SLC45A2: variants seen among roughly 807,000 people sequenced by gnomAD.
The protein encoded by SLC45A2 is membrane-associated transporter protein.
Under a neutral mutation model 45.5 loss-of-function variants are expected in SLC45A2, and 36 were observed. That is an observed-to-expected ratio of 0.79 (90% CI 0.61 to 1.04). The LOEUF (loss-of-function observed/expected upper bound fraction) is 1.04. SLC45A2 is among the 50% of genes least tolerant of loss of function. The probability of loss-of-function intolerance (pLI) is 0.00; values close to 1 mark genes in which losing one functional copy is unlikely to be tolerated. For synonymous variants in SLC45A2, 306 were observed against 269.3 expected, an observed-to-expected ratio of 1.14 and a Z score of -1.33; for missense variants, 719 against 671.0, an observed-to-expected ratio of 1.07 and a Z score of -0.79.
At chr5:33,974,799 G>C (rs1257993721) in intron 2 of SLC45A2, among the ~76,000 whole-genome samples, 2 of 152,202 alleles carry the variant, frequency 1.3e-5, no homozygotes, top group African/African-American at 4.8e-5. Context: ...CAGGGAGAAA[G>C]AGAGAGATTG....
At chr5:33,981,308 T>C (rs760285770) in intron 2 of SLC45A2, among the ~76,000 whole-genome samples, 2 of 152,206 alleles carry the variant, frequency 1.3e-5, no homozygotes, top group South Asian at 4.1e-4. Flanking sequence ...GTGGCTTCCA[T>C]GGGCAGGCAG....
chr5:33,968,141 A>C (rs1170826086), intron 2 of SLC45A2, among the ~76,000 whole-genome samples: 1 of 152,052 alleles, frequency 6.6e-6, no homozygotes, highest in African/African-American at 2.4e-5. Context: ...AACTTTATCT[A>C]TTTGCTGCCT....
chr5:33,967,336 T>TA (rs1752629350), intron 2 of SLC45A2, among the ~76,000 whole-genome samples: 1 of 152,336 alleles, frequency 6.6e-6, no homozygotes, highest in South Asian at 2.1e-4. Context: ...GCTTGACTTT[T>TA]AAAATATTCC....
chr5:33,967,434 G>A (rs1363892189), intron 2 of SLC45A2, among the ~76,000 whole-genome samples: 2 of 152,284 alleles, frequency 1.3e-5, no homozygotes, highest in East Asian at 3.9e-4. Context: ...AAGGTCTAAG[G>A]TGGAGCCTGA....
rs924181988 is a variant in SLC45A2 at position 33,982,599 on chromosome 5, C to G, written c.386-187G>C. ...TATGCAAGCGAATGTCCAGAAAACA[C>G]AAATCTATGGAGACACAAAGTAAAT... On this transcript the variant is annotated intron_variant, in intron 1 of 6. Transcript: ENST00000296589. Among the ~76,000 whole-genome samples, 3 of 152,076 alleles carry G rather than the reference C, an allele frequency of 2.0e-5. No homozygotes were observed. In the East Asian group the frequency reaches 5.8e-4, roughly 29 times the overall value.
intron 2 of SLC45A2, among the ~76,000 whole-genome samples, chr5:33,977,018 A>G (rs1752948774): frequency 6.6e-6 from 1 of 152,194 alleles, no homozygotes; most frequent in African/African-American, 2.4e-5. Context: ...AAGGCCTTTA[A>G]AGAGGTAATT....
chr5:33,954,921 T>A (rs908918932), intron 3 of SLC45A2, among the ~76,000 whole-genome samples: 2 of 152,226 alleles, frequency 1.3e-5, no homozygotes, highest in African/African-American at 4.8e-5. Context: ...ATGTCTGTCA[T>A]GATCTTGGTC....
At chr5:33,946,996 G>A in intron 6 of SLC45A2, 167 bp downstream of exon 6, 1 of 1,568,352 alleles carries the variant, frequency 6.4e-7, no homozygotes, top group Non-Finnish European at 8.6e-7. Context: ...GGCTGGGCTG[G>A]TGAGCATGCC....
intron 4 of SLC45A2, among the ~76,000 whole-genome samples, chr5:33,952,052 T>G (rs1294220655): frequency 1.3e-5 from 2 of 152,150 alleles, no homozygotes; most frequent in Non-Finnish European, 2.9e-5. Context: ...TCTCCCTCTC[T>G]AATATTCCTC....
At position 33,963,707 on chromosome 5, in the gene SLC45A2, T is replaced by C; in HGVS notation, c.872A>G (p.Lys291Arg). The change falls in exon 3 of 7, where the codon AAA (lysine) becomes AGA (arginine). Residue 291 changes from lysine (K) to arginine (R), a missense_variant. Transcript: ENST00000296589. ...PELAMQGAKN[K>R]NHAEQTRRAM... ...CATCTTTACCTGTTCAGCATGATTT[T>C]TGTTTTTTGCTCCCTGCATTGCCAG... is the stretch of plus-strand genomic sequence containing the variant. The C allele has an allele frequency of 4.3e-6, 7 of 1,614,046 alleles. 1 individual carries two copies. In the African/African-American group the frequency reaches 9.3e-5, roughly 22 times the overall value.
At position 33,982,464 on chromosome 5, in the gene SLC45A2, C is replaced by T. The variant is rs779512123; in HGVS notation, c.386-52G>A. 19 of 1,569,932 alleles carry T rather than the reference C, an allele frequency of 1.2e-5. No individual in the cohort carries two copies. The Middle Eastern group carries it at 5.0e-4, about 41-fold the overall frequency. On this transcript the variant is annotated intron_variant, in intron 1 of 6. Transcript: ENST00000296589. ...CTAAATCCTGTTTTAGAATCATCCG[C>T]GTTTTGTAATTTCCACCTAAACTTC...
At chr5:33,954,172 G>A (rs371359181) in intron 4 of SLC45A2, among the ~76,000 whole-genome samples, 189 bp downstream of exon 4, 7 of 152,162 alleles carry the variant, frequency 4.6e-5, no homozygotes, top group South Asian at 2.1e-4. Context: ...GGCAGGCTCC[G>A]TAGTGTCCTC....
intron 2 of SLC45A2, among the ~76,000 whole-genome samples, chr5:33,981,957 T>C (rs1753087138): frequency 6.6e-6 from 1 of 152,238 alleles, no homozygotes. Flanking sequence ...AATGCAAAAG[T>C]ACAATCCACA....
At chr5:33,977,435 T>G (rs1209019451) in intron 2 of SLC45A2, among the ~76,000 whole-genome samples, 4 of 152,226 alleles carry the variant, frequency 2.6e-5, no homozygotes, top group Admixed American at 6.5e-5. Flanking sequence ...AATAAACTTT[T>G]GTGCTTTGAT....
rs367806428 is a variant in SLC45A2 at position 33,951,576 on chromosome 5, G to A, written c.1134C>T (p.Ser378=). 1.2e-5 allele frequency: 19 copies of A among 1,613,982 alleles called. No homozygotes were observed. Among genetic ancestry groups the A allele is most frequent in the African/African-American group, 6.7e-5 (5 of 74,912 alleles). Residue 378 remains serine, a synonymous_variant, in exon 5 of 7, where the codon TCC becomes TCT. Transcript: ENST00000296589. ...EVGCWGLCIN[S]VFSSLYSYFQ... is the part of the protein sequence containing the mutation. ...TACAAGAATAAAGTGAGGAAAACACGGAGTTGATGCACAAGCCCCAACATC... is the reference window on the plus strand; with the variant it reads ...TACAAGAATAAAGTGAGGAAAACACAGAGTTGATGCACAAGCCCCAACATC...
At chr5:33,964,511 A>T (rs912370146) in intron 2 of SLC45A2, among the ~76,000 whole-genome samples, 1 of 152,334 alleles carries the variant, frequency 6.6e-6, no homozygotes. Flanking sequence ...GGGATGACGT[A>T]AGCTTGCAAA....
chr5:33,946,206 A>G, intron 6 of SLC45A2: 1 of 985,442 alleles, frequency 1.0e-6, no homozygotes, highest in Non-Finnish European at 1.2e-6. Context: ...TGACTCTCCC[A>G]TTAGCAGCAA....
chr5:33,969,044 A>ACTCTCTCTCTCT lies in SLC45A2; in HGVS notation c.563-5040_563-5029dup, dbSNP rs11272324. On this transcript the variant is annotated intron_variant, in intron 2 of 6. Transcript: ENST00000296589. ...TGGACAGTTAACATAAGTACCAGCTACTCTCTCTCTCTCTCTCTCTCTGTG... is the reference window on the plus strand; with the variant it reads ...TGGACAGTTAACATAAGTACCAGCTACTCTCTCTCTCTCTCTCTCTCTCTCTCTCTCTCTGTG... Among the ~76,000 whole-genome samples the ACTCTCTCTCTCT allele has an allele frequency of 3.9e-3, 352 of 90,400 alleles. 2 individuals carry two copies. Among genetic ancestry groups the ACTCTCTCTCTCT allele is most frequent in the African/African-American group, 0.01 (250 of 24,218 alleles). 59.3% of individuals were successfully genotyped at this position (90,400 alleles called of 152,430 possible).
intron 4 of SLC45A2, among the ~76,000 whole-genome samples, chr5:33,954,126 C>A (rs1321319841): frequency 6.6e-6 from 1 of 152,046 alleles, no homozygotes; most frequent in Non-Finnish European, 1.5e-5. Flanking sequence ...CTTTAACACC[C>A]CACTGTCAAC....
Sources: gnomAD v4.1 joint callset for allele counts (sites outside exome capture counted in the v4.1 genomes callset) on GRCh38, gnomAD v4.1.1 for gene constraint, MANE v1.5 for transcripts, NCBI Gene and HGNC (gene_info 2026-07-23, HGNC 2026-07-21) for gene names.